Variants in ZBTB7C observed in about 807,000 individuals in gnomAD.
ZBTB7C encodes zinc finger and BTB domain containing 7C, also known as zinc finger and BTB domain-containing protein 7C.
A neutral mutation model predicts 25.7 loss-of-function variants in ZBTB7C; 8 were observed. The ratio of observed to expected loss-of-function variants is 0.31; its 90% CI spans 0.18 to 0.56. The LOEUF (loss-of-function observed/expected upper bound fraction) is 0.56, where lower values mean the gene tolerates loss of function less well. Ranked by LOEUF, ZBTB7C falls within the 20% of genes least tolerant of loss-of-function variation. The probability of loss-of-function intolerance (pLI) is 0.91; values close to 1 mark genes in which losing one functional copy is unlikely to be tolerated. For synonymous variants in ZBTB7C, 394 were observed against 369.0 expected (o/e 1.07, Z -0.78); for missense variants, 824 against 855.2 (o/e 0.96, Z 0.46).
chr18:48,376,591 A>T (rs1216710582), intron 1 of ZBTB7C, among the ~76,000 whole-genome samples: 2 of 152,056 alleles, frequency 1.3e-5, no homozygotes, highest in Non-Finnish European at 2.9e-5. Flanking sequence ...GGCTCTGGAG[A>T]GCAGCCTCCT....
At chr18:48,314,382 C>G (rs1012578828) in intron 2 of ZBTB7C, among the ~76,000 whole-genome samples, 1 of 152,182 alleles carries the variant, frequency 6.6e-6, no homozygotes, top group Non-Finnish European at 1.5e-5. Context: ...AAAAGCCCCT[C>G]AAGATTCTCA....
At chr18:48,330,803 G>C (rs570944180) in intron 2 of ZBTB7C, among the ~76,000 whole-genome samples, 146 of 152,234 alleles carry the variant, frequency 9.6e-4, no homozygotes, top group Non-Finnish European at 1.7e-3. Context: ...GGGCTGGGCA[G>C]GGGGAGCATC....
intron 2 of ZBTB7C, among the ~76,000 whole-genome samples, chr18:48,276,300 T>C (rs898930210): frequency 2.4e-4 from 36 of 151,806 alleles, no homozygotes; most frequent in African/African-American, 9.7e-5. Flanking sequence ...AAGTCTTTTT[T>C]ATTTATTTAT....
At chr18:48,049,377 C>T (rs2036596591) in intron 3 of ZBTB7C, among the ~76,000 whole-genome samples, 7 of 152,308 alleles carry the variant, frequency 4.6e-5, no homozygotes, top group Admixed American at 4.6e-4. Context: ...GTTCCAGGCA[C>T]ACTTGGGTTA....
intron 1 of ZBTB7C, chr18:48,408,681 C>G (rs2048337642): frequency 6.6e-6 from 1 of 152,208 alleles, no homozygotes; most frequent in Admixed American, 6.5e-5. Context: ...GAAAACGTCA[C>G]TCACCAAAAC....
At chr18:48,077,663 G>A (rs1027895566) in intron 3 of ZBTB7C, among the ~76,000 whole-genome samples, 4 of 152,192 alleles carry the variant, frequency 2.6e-5, no homozygotes, top group African/African-American at 4.8e-5. Context: ...CGTGGAAGTC[G>A]GGGTAAGTGA....
intron 2 of ZBTB7C, among the ~76,000 whole-genome samples, chr18:48,259,274 G>C (rs1483759366): frequency 5.6e-5 from 7 of 125,964 alleles, no homozygotes; most frequent in East Asian, 2.9e-4. Context: ...TTTGACAAGA[G>C]TGTAAAAGCA....
At chr18:48,288,850 A>T (rs1332777114) in intron 2 of ZBTB7C, among the ~76,000 whole-genome samples, 5 of 152,190 alleles carry the variant, frequency 3.3e-5, no homozygotes, top group Non-Finnish European at 7.3e-5. Context: ...TATTGTTTAT[A>T]AACTACCTAG....
intron 3 of ZBTB7C, among the ~76,000 whole-genome samples, chr18:48,098,901 A>T (rs9945161): frequency 1.3e-5 from 2 of 152,018 alleles, no homozygotes; most frequent in South Asian, 4.1e-4. Flanking sequence ...CTTTGTAAAC[A>T]GGTAAATGAA....
At chr18:48,166,505 G>A (rs375843379) in intron 3 of ZBTB7C, among the ~76,000 whole-genome samples, 4 of 152,106 alleles carry the variant, frequency 2.6e-5, no homozygotes, top group African/African-American at 4.8e-5. Context: ...CAGGAATGCC[G>A]TTGGGGTGGG....
At chr18:48,247,553 T>C (rs2043728898) in intron 2 of ZBTB7C, among the ~76,000 whole-genome samples, 1 of 152,236 alleles carries the variant, frequency 6.6e-6, no homozygotes, top group Non-Finnish European at 1.5e-5. Context: ...CTTGGCCCCA[T>C]ACCATCTGGT....
chr18:48,227,019 C>CAAAAAAAAAAAAAAAAAAAAAAAAAA (rs1187830776), intron 2 of ZBTB7C, among the ~76,000 whole-genome samples: 1 of 56,122 alleles, frequency 1.8e-5, no homozygotes, highest in Non-Finnish European at 3.7e-5. Context: ...GACTCCATCT[C>CAAAAAAAAAAAAAAAAAAAAAAAAAA]AAAAAAAAAA....
chr18:48,383,537 A>AT (rs751002792), intron 1 of ZBTB7C, among the ~76,000 whole-genome samples: 2 of 152,174 alleles, frequency 1.3e-5, no homozygotes, highest in South Asian at 4.1e-4. Context: ...AAGTGCTGGG[A>AT]TTATAGGCAT....
chr18:48,342,579 C>T (rs914765270), intron 1 of ZBTB7C, among the ~76,000 whole-genome samples: 20 of 152,220 alleles, frequency 1.3e-4, no homozygotes, highest in South Asian at 8.3e-4. Context: ...CCACAACCCT[C>T]GGCAGGAGGG....
At chr18:48,237,247 G>C (rs78616403) in intron 2 of ZBTB7C, among the ~76,000 whole-genome samples, 1 of 152,124 alleles carries the variant, frequency 6.6e-6, no homozygotes, top group Non-Finnish European at 1.5e-5. Context: ...ACAGCACAGA[G>C]CAGAGATCAC....
At chr18:48,371,533 T>C (rs1006370900) in intron 1 of ZBTB7C, among the ~76,000 whole-genome samples, 1 of 152,302 alleles carries the variant, frequency 6.6e-6, no homozygotes, top group African/African-American at 2.4e-5. Context: ...TTTGGGACAT[T>C]TGTCCCTTAG....
At chr18:48,345,553 C>A (rs772190964) in intron 1 of ZBTB7C, among the ~76,000 whole-genome samples, 86 of 151,710 alleles carry the variant, frequency 5.7e-4, no homozygotes, top group Non-Finnish European at 1.0e-3. Context: ...GCCCCCCACA[C>A]CCCCAGACCT....
At chr18:48,318,825 T>C (rs989150166) in intron 2 of ZBTB7C, among the ~76,000 whole-genome samples, 1 of 152,136 alleles carries the variant, frequency 6.6e-6, no homozygotes, top group African/African-American at 2.4e-5. Context: ...GTCCCTGGTA[T>C]GGAGGGGCCC....
intron 3 of ZBTB7C, among the ~76,000 whole-genome samples, chr18:48,109,539 G>C (rs916111573): frequency 6.6e-6 from 1 of 152,164 alleles, no homozygotes; most frequent in African/African-American, 2.4e-5. Context: ...ACTTGAAAAT[G>C]CTTACGAAGA....
Sources: allele counts gnomAD v4.1 joint callset (sites outside exome capture counted in the v4.1 genomes callset), GRCh38; gene constraint gnomAD v4.1.1; transcripts MANE v1.5; gene names NCBI Gene and HGNC (gene_info 2026-07-23, HGNC 2026-07-21).